The following MTMR3 variants were observed in gnomAD, a reference collection of about 807,000 sequenced individuals.
MTMR3 encodes the protein phosphatidylinositol-3,5-bisphosphate 3-phosphatase MTMR3.
MTMR3 carries 32 observed loss-of-function variants against 132.4 expected under a neutral mutation model. The observed-to-expected ratio is 0.24, with a 90% CI of 0.18 to 0.32. MTMR3 has a LOEUF of 0.32. MTMR3 is among the 10% of genes least tolerant of loss of function. The pLI, the probability that MTMR3 is intolerant of heterozygous loss-of-function variation, is 1.00. For synonymous variants in MTMR3, 556 were observed against 550.3 expected, an observed-to-expected ratio of 1.01 and a Z score of -0.14; for missense variants, 1,216 against 1,489.6, an observed-to-expected ratio of 0.82 and a Z score of 3.02.
chr22:30,019,576 G>C lies in MTMR3; in HGVS notation c.1917G>C (p.Glu639Asp), dbSNP rs1471401592. The change falls in exon 17 of 20, where the codon GAG (glutamate) becomes GAC (aspartate). Residue 639 changes from glutamate to aspartate, a missense_variant. By Grantham distance (45) the Glu-to-Asp change is conservative (BLOSUM62 2). This residue lies in a region of MTMR3 where 852 missense variants were observed against 852.0 expected (regional missense o/e 1.00). Coordinates refer to ENST00000401950, the MANE Select transcript of MTMR3 (RefSeq NM_021090.4). ...GCTGCAGCGACCCCAGCCTGAACGA[G>C]AAGTGGCAGGAGCACCGGCGCTCAC... The part of the protein sequence containing the change: ...SRRCSDPSLN[E>D]KWQEHRRSLE... 1 of 1,613,868 alleles carries C rather than the reference G, an allele frequency of 6.2e-7. No individual in the cohort carries two copies.
chr22:29,924,338 G>T (rs1199813162), intron 1 of MTMR3, among the ~76,000 whole-genome samples: 1 of 152,082 alleles, frequency 6.6e-6, no homozygotes, highest in East Asian at 1.9e-4. Flanking sequence ...CCATTGCATG[G>T]TCTTGGTATC....
intron 9 of MTMR3, chr22:30,004,005 G>A (rs1230536204): frequency 6.6e-6 from 1 of 152,126 alleles, no homozygotes. Flanking sequence ...TTGTCTCCTT[G>A]TGGAATTCCT....
intron 17 of MTMR3, chr22:30,021,747 C>G (rs961904025): frequency 1.3e-5 from 5 of 374,762 alleles, no homozygotes; most frequent in Admixed American, 1.3e-4. Flanking sequence ...AATTCTCATT[C>G]CATTTTGGTC....
At chr22:29,930,113 A>G (rs7291756) in intron 1 of MTMR3, among the ~76,000 whole-genome samples, 40,652 of 152,140 alleles carry the variant, frequency 0.27, 5,542 homozygotes, top group South Asian at 0.37. Context: ...GTGTGTTTGT[A>G]TAATATTTTT....
At chr22:29,956,741 ATGCT>A (rs1438297906) in intron 1 of MTMR3, among the ~76,000 whole-genome samples, 2 of 152,170 alleles carry the variant, frequency 1.3e-5, no homozygotes, top group Non-Finnish European at 2.9e-5. Flanking sequence ...ACCAGAAATG[ATGCT>A]TGCTTGACTG....
At chr22:29,982,969 G>C (rs959070615) in intron 5 of MTMR3, 1 of 150,042 alleles carries the variant, frequency 6.7e-6, no homozygotes, top group African/African-American at 2.5e-5. Flanking sequence ...GTGTGTGTGT[G>C]TGTGTGTATG....
rs573364746 is a variant in MTMR3, at chr22:29,991,562, A to G, written c.352A>G (p.Ile118Val). 306 of 1,614,110 alleles carry G rather than the reference A, an allele frequency of 1.9e-4. 6 individuals are homozygous for G. In the South Asian group the frequency reaches 2.4e-3, roughly 13 times the overall value. Residue 118 changes from isoleucine to valine, a missense_variant, in exon 7 of 20, where the codon ATC (isoleucine) becomes GTC (valine). Ile to Val is a conservative substitution (Grantham distance 29). Coordinates refer to ENST00000401950, the MANE Select transcript of MTMR3 (RefSeq NM_021090.4). ...QEWLKRLNNA[I>V]RPPAKIEDLF... Reference sequence around the variant, plus strand: ...GTGGCTGAAGAGACTGAACAACGCAATCCGACCACCTGCTAAAATAGAAGA... The same window carrying G: ...GTGGCTGAAGAGACTGAACAACGCAGTCCGACCACCTGCTAAAATAGAAGA...
chr22:29,969,591 C>G (rs1056639260), intron 2 of MTMR3, among the ~76,000 whole-genome samples: 5 of 151,868 alleles, frequency 3.3e-5, no homozygotes, highest in African/African-American at 1.2e-4. Flanking sequence ...TGTGCAATGG[C>G]GTGATCTCGG....
intron 3 of MTMR3, among the ~76,000 whole-genome samples, chr22:29,976,998 T>C (rs1353866018): frequency 6.6e-6 from 1 of 152,048 alleles, no homozygotes; most frequent in Non-Finnish European, 1.5e-5. Context: ...CTTTTAAAAA[T>C]TGCTGTGTGG....
At chr22:29,903,808 T>C (rs2107673) in intron 1 of MTMR3, among the ~76,000 whole-genome samples, 5,618 of 152,260 alleles carry the variant, frequency 0.037, 365 homozygotes, top group African/African-American at 0.13. Context: ...CATTAATGTA[T>C]GTTCCTTCTG....
chr22:29,988,494 T>G lies in MTMR3; in HGVS notation c.225T>G (p.Leu75=). 6.2e-7 allele frequency: 1 copy of G among 1,612,220 alleles called. No individual in the cohort carries two copies. The highest frequency in any genetic ancestry group is 1.3e-5 in the African/African-American group (1 of 75,002). ...KESLVNVPLQ[L]IESVECRDIF... ...TAAAATTGCAGGTTCCATTACAGCTTATAGAAAGTGTTGAATGCCGAGATA... is the reference window on the plus strand; with the variant it reads ...TAAAATTGCAGGTTCCATTACAGCTGATAGAAAGTGTTGAATGCCGAGATA... Residue 75 remains leucine (L), a synonymous_variant, in exon 6 of 20, where the codon CTT becomes CTG. Transcript: ENST00000401950.
In MTMR3 at chr22:29,907,726, G is replaced by T. The variant is rs375962116; in HGVS notation, c.-138+24367G>T. Among the ~76,000 whole-genome samples, 17 of 152,232 alleles carry T rather than the reference G, an allele frequency of 1.1e-4. No individual in the cohort carries two copies. In the South Asian group the frequency reaches 2.1e-3, roughly 19 times the overall value. The stretch of plus-strand genomic sequence containing the variant: ...TTAACAAAACTGCTTAACCTCCTTT[G>T]TATTATTCATTCCCTCTCTTACTAA... On this transcript the variant is annotated intron_variant, in intron 1 of 19. Transcript: ENST00000401950.
chr22:30,025,893 A>G lies in MTMR3; in HGVS notation c.*92A>G. On this transcript the variant is annotated 3_prime_UTR_variant, in exon 20 of 20. Transcript: ENST00000401950. ...AGACCGAGAGGCCCGTGCACTTTGG[A>G]ATGGGAGCGTGGAACCACCTGTACA... The G allele has an allele frequency of 7.3e-7, 1 of 1,378,664 alleles. No individual in the cohort carries two copies. Among genetic ancestry groups the G allele is most frequent in the Non-Finnish European group, 1.0e-6 (1 of 979,806 alleles). 85.4% of individuals were successfully genotyped at this position (1,378,664 alleles called of 1,614,324 possible). A position where few individuals can be genotyped will look rare whatever the true frequency, so the allele number is the denominator to read the frequency against.
intron 14 of MTMR3, chr22:30,016,197 C>A (rs1479453727): frequency 2.2e-5 from 5 of 229,270 alleles, no homozygotes; most frequent in African/African-American, 4.5e-5. Context: ...ATACTGTCAG[C>A]TCAGACTTGA....
At chr22:30,018,699 T>C (rs552484732) in intron 16 of MTMR3, 2 of 151,264 alleles carry the variant, frequency 1.3e-5, no homozygotes, top group Admixed American at 6.6e-5. Context: ...CCAAGATCCA[T>C]TGCACTCCAG....
At chr22:29,960,660 C>CA (rs1369076832) in intron 2 of MTMR3, among the ~76,000 whole-genome samples, 1 of 152,160 alleles carries the variant, frequency 6.6e-6, no homozygotes. Flanking sequence ...TCTTAATTCT[C>CA]ACAATTCTTT....
chr22:29,921,512 G>A (rs1290433169), intron 1 of MTMR3, among the ~76,000 whole-genome samples: 1 of 144,194 alleles, frequency 6.9e-6, no homozygotes, highest in East Asian at 2.4e-4. Context: ...TTTAATGGAT[G>A]ATTGATTTAT....
chr22:29,988,433 G>C, intron 5 of MTMR3, 47 bp from the exon 6 acceptor site: 1 of 1,433,468 alleles, frequency 7.0e-7, no homozygotes, highest in Non-Finnish European at 9.8e-7. Flanking sequence ...GAACTCCAGG[G>C]TCAATGCCTT....
intron 11 of MTMR3, 61 bp downstream of exon 11, chr22:30,008,093 C>A: frequency 1.3e-6 from 2 of 1,580,650 alleles, no homozygotes; most frequent in Non-Finnish European, 1.7e-6. Context: ...CCTTGCCCAA[C>A]TGAGACTTAG....
Sources: allele counts gnomAD v4.1 joint callset (sites outside exome capture counted in the v4.1 genomes callset), GRCh38; gene constraint gnomAD v4.1.1; regional missense constraint gnomAD v4.1.1; transcripts MANE v1.5; gene names NCBI Gene and HGNC (gene_info 2026-07-23, HGNC 2026-07-21).